SH3GL1: variants seen among roughly 807,000 people sequenced by gnomAD.
SH3GL1 encodes endophilin-A2.
A neutral mutation model predicts 48.8 loss-of-function variants in SH3GL1; 21 were observed. The ratio of observed to expected loss-of-function variants is 0.43; its 90% CI spans 0.30 to 0.62. SH3GL1 has a LOEUF of 0.62. SH3GL1 is among the 20% of genes least tolerant of loss of function. The pLI, the probability that SH3GL1 is intolerant of heterozygous loss-of-function variation, is 0.11. For synonymous variants in SH3GL1, 282 were observed against 217.5 expected (o/e 1.30, Z -2.61); for missense variants, 454 against 503.0 (o/e 0.90, Z 0.93).
chr19:4,399,011 C>T (rs544140759), intron 1 of SH3GL1, among the ~76,000 whole-genome samples: 15 of 152,224 alleles, frequency 9.9e-5, no homozygotes, highest in African/African-American at 3.6e-4. Context: ...GAATGAAATA[C>T]AATGTACCCA....
intron 1 of SH3GL1, among the ~76,000 whole-genome samples, chr19:4,373,106 G>A (rs34598075): frequency 6.9e-5 from 9 of 129,892 alleles, no homozygotes; most frequent in Non-Finnish European, 9.7e-5. Context: ...GAGGCCAGGA[G>A]GGGGAGGGAG....
chr19:4,368,101 G>A (rs1275018066), intron 1 of SH3GL1, among the ~76,000 whole-genome samples: 4 of 152,238 alleles, frequency 2.6e-5, no homozygotes, highest in Admixed American at 2.6e-4. Context: ...CTTGTGTGAA[G>A]ACGTGCACAC....
intron 1 of SH3GL1, among the ~76,000 whole-genome samples, chr19:4,370,393 C>T (rs988836826): frequency 2.0e-5 from 3 of 152,220 alleles, no homozygotes; most frequent in Admixed American, 1.3e-4. Flanking sequence ...GTTCCCACCC[C>T]GCATGGCAGG....
At chr19:4,396,701 T>C (rs752291989) in intron 1 of SH3GL1, among the ~76,000 whole-genome samples, 1 of 152,160 alleles carries the variant, frequency 6.6e-6, no homozygotes, top group South Asian at 2.1e-4. Flanking sequence ...ATTTTGGTAC[T>C]ATTGACATTT....
rs539745308 is a variant in SH3GL1 at position 4,362,537 on chromosome 19, C to A, written c.853+75G>T. Reference sequence around the variant, plus strand: ...ACCCAGGAGTCTGGCGCTCAGAGACCCAGGACAGGGCCAGCCCTTGGCCAC... The same window carrying A: ...ACCCAGGAGTCTGGCGCTCAGAGACACAGGACAGGGCCAGCCCTTGGCCAC... On this transcript the variant is annotated intron_variant, in intron 8 of 9. Coordinates refer to ENST00000269886, the MANE Select transcript of SH3GL1 (RefSeq NM_003025.4). The A allele has an allele frequency of 4.7e-5, 76 of 1,603,774 alleles. No homozygotes were observed. In the Middle Eastern group the frequency reaches 5.5e-4, roughly 12 times the overall value.
At chr19:4,381,255 TC>T (rs1169069135) in intron 1 of SH3GL1, among the ~76,000 whole-genome samples, 2 of 49,778 alleles carry the variant, frequency 4.0e-5, no homozygotes, top group Non-Finnish European at 1.0e-4. Flanking sequence ...CCTCTGCCTC[TC>T]TCTGTCCCCC....
At chr19:4,395,016 G>T (rs528448288) in intron 1 of SH3GL1, among the ~76,000 whole-genome samples, 1 of 152,280 alleles carries the variant, frequency 6.6e-6, no homozygotes, top group South Asian at 2.1e-4. Flanking sequence ...GCTGATGGGC[G>T]CGTGCCCCTC....
intron 1 of SH3GL1, among the ~76,000 whole-genome samples, chr19:4,371,397 G>T (rs951181942): frequency 2.6e-4 from 39 of 152,358 alleles, no homozygotes; most frequent in Admixed American, 2.2e-3. Context: ...GGAAAATTCC[G>T]AATCCTGCCG....
intron 1 of SH3GL1, among the ~76,000 whole-genome samples, chr19:4,384,785 C>T (rs548369971): frequency 6.6e-6 from 1 of 152,276 alleles, no homozygotes; most frequent in East Asian, 1.9e-4. Flanking sequence ...TCAGTGTGAA[C>T]GGTACTCACA....
intron 1 of SH3GL1, among the ~76,000 whole-genome samples, chr19:4,375,495 G>A (rs1306696995): frequency 2.0e-5 from 3 of 152,200 alleles, no homozygotes; most frequent in Non-Finnish European, 2.9e-5. Context: ...CCCAGGAGAC[G>A]GGAGGACAGG....
At chr19:4,362,199 C>G in intron 9 of SH3GL1, 130 bp downstream of exon 9, 2 of 940,812 alleles carry the variant, frequency 2.1e-6, no homozygotes, top group Non-Finnish European at 3.3e-6. Context: ...GGGGCCTGTG[C>G]CCCCTACTGC....
chr19:4,363,617 G>A (rs1972687461), intron 6 of SH3GL1, 103 bp downstream of exon 6: 1 of 1,518,234 alleles, frequency 6.6e-7, no homozygotes, highest in South Asian at 1.1e-5. Context: ...CCCTGCTGCA[G>A]CGGCCAGGTA....
chr19:4,398,047 A>G (rs952409962), intron 1 of SH3GL1, among the ~76,000 whole-genome samples: 10 of 151,924 alleles, frequency 6.6e-5, no homozygotes, highest in African/African-American at 2.4e-4. Context: ...GGATCTCCCT[A>G]TATCGCCCAG....
At chr19:4,377,033 G>A (rs893409500) in intron 1 of SH3GL1, among the ~76,000 whole-genome samples, 7 of 152,216 alleles carry the variant, frequency 4.6e-5, no homozygotes, top group African/African-American at 9.6e-5. Flanking sequence ...GCTCGTGGAC[G>A]GTTCACCTGG....
intron 1 of SH3GL1, chr19:4,395,946 G>A (rs1240884719): frequency 5.9e-5 from 9 of 151,856 alleles, no homozygotes; most frequent in African/African-American, 2.2e-4. Context: ...GTCACAATAT[G>A]TATATGATAA....
At chr19:4,366,453 G>T in intron 3 of SH3GL1, 48 bp downstream of exon 3, 1 of 1,443,504 alleles carries the variant, frequency 6.9e-7, no homozygotes, top group Non-Finnish European at 9.6e-7. Flanking sequence ...CTCTGACACA[G>T]AGGCCAGAGG....
rs1296199160 is a variant in SH3GL1, at chr19:4,363,898, G to C, written c.466-20C>G. The stretch of plus-strand genomic sequence containing the variant: ...GTGGTGCTGGAGACGTGGGGGACAT[G>C]GGTCACACCAGTAGCGGCCAGAGGG... On this transcript the variant is annotated intron_variant, in intron 5 of 9. Transcript: ENST00000269886. The C allele has an allele frequency of 6.2e-7, 1 of 1,611,706 alleles. No individual in the cohort carries two copies. Among genetic ancestry groups the C allele is most frequent in the Admixed American group, 1.7e-5 (1 of 60,026 alleles).
Position 4,362,729 on chromosome 19 carries a change from C to T in SH3GL1, c.736G>A (p.Glu246Lys). 6.2e-7 allele frequency: 1 copy of T among 1,613,954 alleles called. No homozygotes were observed. The highest frequency in any genetic ancestry group is 1.1e-5 in the South Asian group (1 of 91,092). Reference protein sequence around the residue: ...LAEKLKRRMREASSRPKREYK... With the variant: ...LAEKLKRRMRKASSRPKREYK... The stretch of plus-strand genomic sequence containing the variant: ...TCCCGCTTAGGGCGTGAGGAAGCTT[C>T]CCGCATCCTGTGAAGGGAGAGGCGT... The change falls in exon 8 of 10, where the codon GAA becomes AAA. Residue 246 changes from glutamate (E) to lysine (K), a missense_variant. Around this residue, in one of 2 missense-constraint regions of SH3GL1, gnomAD observed 278 missense variants for 246.8 expected, o/e 1.13. Coordinates refer to ENST00000269886, the MANE Select transcript of SH3GL1 (RefSeq NM_003025.4).
chr19:4,400,257 G>T lies in SH3GL1; in HGVS notation c.45+67C>A. On this transcript the variant is annotated intron_variant, in intron 1 of 9. Coordinates refer to ENST00000269886, the MANE Select transcript of SH3GL1 (RefSeq NM_003025.4). The surrounding 1 kb of genome is among the most constrained non-coding windows in gnomAD (Gnocchi z 4.1). ...CCCCGGCCCCCTCCCGGGCCAGGTCGGGCCTGGCTCCCTCATCCGGGCAGC... is the reference window on the plus strand; with the variant it reads ...CCCCGGCCCCCTCCCGGGCCAGGTCTGGCCTGGCTCCCTCATCCGGGCAGC... 6.5e-7 allele frequency: 1 copy of T among 1,533,408 alleles called. No homozygotes were observed. Among genetic ancestry groups the T allele is most frequent in the Non-Finnish European group, 8.8e-7 (1 of 1,133,508 alleles). 95.0% of individuals were successfully genotyped at this position (1,533,408 alleles called of 1,614,324 possible).
Sources: allele counts gnomAD v4.1 joint callset (sites outside exome capture counted in the v4.1 genomes callset), GRCh38; gene constraint gnomAD v4.1.1; regional missense constraint gnomAD v4.1.1; non-coding constraint Gnocchi (gnomAD v3.1); transcripts MANE v1.5; gene names NCBI Gene and HGNC (gene_info 2026-07-23, HGNC 2026-07-21).